Variants in KLHL41 observed in about 807,000 individuals in gnomAD.
KLHL41 encodes kelch-like protein 41.
KLHL41 carries 31 observed loss-of-function variants against 49.2 expected under a neutral mutation model. The observed-to-expected ratio is 0.63, with a 90% CI of 0.47 to 0.85. KLHL41 has a LOEUF of 0.85. KLHL41 is among the 40% of genes least tolerant of loss of function. The pLI is 0.00. For synonymous variants in KLHL41, 218 were observed against 258.5 expected, an observed-to-expected ratio of 0.84 and a Z score of 1.50; for missense variants, 663 against 726.7, an observed-to-expected ratio of 0.91 and a Z score of 1.01.
Position 169,509,843 on chromosome 2 carries a change from G to A in KLHL41, c.65G>A (p.Gly22Asp). Reference protein sequence around the residue: ...RLYQSTLLQDGLKDLLDEKKF... With the variant: ...RLYQSTLLQDDLKDLLDEKKF... ...TACCAATCCACCCTTCTTCAGGATGGTCTAAAAGATCTCCTGGATGAGAAA... is the reference window on the plus strand; with the variant it reads ...TACCAATCCACCCTTCTTCAGGATGATCTAAAAGATCTCCTGGATGAGAAA... The change falls in exon 1 of 6, where the codon GGT becomes GAT. Residue 22 changes from glycine (G) to aspartate (D), a missense_variant. Coordinates refer to ENST00000284669, the MANE Select transcript of KLHL41 (RefSeq NM_006063.3). The A allele has an allele frequency of 6.2e-7, 1 of 1,614,000 alleles. No homozygotes were observed. Among genetic ancestry groups the A allele is most frequent in the Non-Finnish European group, 8.5e-7 (1 of 1,180,008 alleles).
rs755772288 is a variant in KLHL41, at chr2:169,514,920, T to C, written c.1335T>C (p.His445=). ...IKVYGHNVIS[H]KGMIYCLGGK... ...TCTATGGCCATAATGTGATTTCACA[T>C]AAAGGGATGATATATTGTCTAGGAG... Residue 445 remains histidine, a synonymous_variant, in exon 3 of 6, where the codon CAT becomes CAC. Transcript: ENST00000284669. The C allele has an allele frequency of 2.5e-6, 4 of 1,611,294 alleles. No individual in the cohort carries two copies. In the East Asian group the frequency reaches 8.9e-5, roughly 36 times the overall value.
Position 169,510,163 on chromosome 2 carries a change from A to T in KLHL41, c.385A>T (p.Arg129Ter). The T allele has an allele frequency of 6.2e-7, 1 of 1,614,092 alleles. No individual in the cohort carries two copies. Among genetic ancestry groups the T allele is most frequent in the Non-Finnish European group, 8.5e-7 (1 of 1,180,024 alleles). The change falls in exon 1 of 6, where the codon AGA (arginine) becomes TGA (stop). Residue 129 changes from arginine to a stop codon, truncating the protein, a stop_gained. Coordinates refer to ENST00000284669, the MANE Select transcript of KLHL41 (RefSeq NM_006063.3). LOFTEE classifies it high-confidence loss of function. This position sits in a 1 kb window ranked among gnomAD's most constrained non-coding sequence, Gnocchi z 4.2. Reference protein sequence around the residue: ...FTVCVSYLQKRLAPGNCLAIL... With the variant: ...FTVCVSYLQK ...TGTCTGCGTTTCTTATCTTCAGAAA[A>T]GACTTGCTCCTGGTAACTGTCTAGC...
In KLHL41 at chr2:169,510,297, A is replaced by C; in HGVS notation, c.519A>C (p.Gln173His). 1 of 1,614,108 alleles carries C rather than the reference A, an allele frequency of 6.2e-7. No individual in the cohort carries two copies. The highest frequency in any genetic ancestry group is 8.5e-7 in the Non-Finnish European group (1 of 1,180,028). The change falls in exon 1 of 6, where the codon CAA becomes CAC. Residue 173 changes from glutamine to histidine, a missense_variant. By Grantham distance (24) the Gln-to-His change is conservative. This residue lies in a region of KLHL41 where 528 missense variants were observed against 581.0 expected (regional missense o/e 0.91). Coordinates refer to ENST00000284669, the MANE Select transcript of KLHL41 (RefSeq NM_006063.3). The surrounding 1 kb of genome is among the most constrained non-coding windows in gnomAD (Gnocchi z 4.2). ...VQICKEEDFM[Q>H]LSPQELISVI... ...TTTGTAAGGAAGAGGACTTTATGCAACTGTCTCCACAGGAACTGATCTCAG... is the reference window on the plus strand; with the variant it reads ...TTTGTAAGGAAGAGGACTTTATGCACCTGTCTCCACAGGAACTGATCTCAG...
chr2:169,524,418 C>CTT (rs113248017), intron 5 of KLHL41, among the ~76,000 whole-genome samples: 549 of 115,948 alleles, frequency 4.7e-3, no homozygotes, highest in Non-Finnish European at 7.1e-3. Context: ...TGGGGTAAAT[C>CTT]TTTTTTTTTT....
intron 1 of KLHL41, among the ~76,000 whole-genome samples, chr2:169,511,624 T>C (rs1017306313): frequency 6.6e-6 from 1 of 152,228 alleles, no homozygotes; most frequent in African/African-American, 2.4e-5. Flanking sequence ...TATAATTTTG[T>C]TGAAAATGAA....
At chr2:169,513,426 C>T (rs1311475179) in intron 1 of KLHL41, among the ~76,000 whole-genome samples, 1 of 152,178 alleles carries the variant, frequency 6.6e-6, no homozygotes, top group African/African-American at 2.4e-5. Context: ...TACATACCAC[C>T]TTCATGATCA....
At chr2:169,518,131 T>A in intron 3 of KLHL41, 59 bp from the exon 4 acceptor site, 1 of 1,237,842 alleles carries the variant, frequency 8.1e-7, no homozygotes, top group Non-Finnish European at 1.1e-6. Context: ...AGCCAAATTA[T>A]TAGTGAAGGT....
At chr2:169,520,314 G>GTGTGTGTGTA (rs1553531994) in intron 4 of KLHL41, among the ~76,000 whole-genome samples, 8,426 of 103,396 alleles carry the variant, frequency 0.081, 1,028 homozygotes, top group East Asian at 0.2. Context: ...GTGTGTGTAT[G>GTGTGTGTGTA]TGTGTGTGTG....
intron 4 of KLHL41, among the ~76,000 whole-genome samples, chr2:169,519,794 A>G (rs1193543669): frequency 6.6e-6 from 1 of 151,940 alleles, no homozygotes; most frequent in Non-Finnish European, 1.5e-5. Flanking sequence ...GGGTTTCACC[A>G]TGTTGGTCAG....
At position 169,526,002 on chromosome 2, in the gene KLHL41, T is replaced by C. The variant is rs1053862513; in HGVS notation, c.*306T>C. ...TTGAGTTGTTTGCTAATCATTTCAT[T>C]TGCATCATTAGGGTATCCTTAAACT... On this transcript the variant is annotated 3_prime_UTR_variant, in exon 6 of 6. Coordinates refer to ENST00000284669, the MANE Select transcript of KLHL41 (RefSeq NM_006063.3). The C allele has an allele frequency of 7.0e-5, 14 of 199,432 alleles. No individual in the cohort carries two copies. The highest frequency in any genetic ancestry group is 3.2e-4 in the African/African-American group (14 of 43,150). The allele number at this position is 199,432 out of a possible 1,614,324, so 12.4% of individuals were successfully genotyped here. A position where few individuals can be genotyped will look rare whatever the true frequency, so the allele number is the denominator to read the frequency against.
intron 3 of KLHL41, among the ~76,000 whole-genome samples, chr2:169,517,239 C>A (rs2105310758): frequency 6.6e-6 from 1 of 152,268 alleles, no homozygotes; most frequent in South Asian, 2.1e-4. Flanking sequence ...CCAAATATAT[C>A]CAGTTAATCA....
Position 169,510,983 on chromosome 2 carries a change from T to G in KLHL41, c.1110+95T>G. On this transcript the variant is annotated intron_variant, in intron 1 of 5. Coordinates refer to ENST00000284669, the MANE Select transcript of KLHL41 (RefSeq NM_006063.3). This position sits in a 1 kb window ranked among gnomAD's most constrained non-coding sequence, Gnocchi z 4.2. ...TTGTGAATTATTCAAGCTGCTTGCA[T>G]TTTACTCTAATTGATGTCCTATTCC... The G allele has an allele frequency of 9.3e-7, 1 of 1,072,090 alleles. No homozygotes were observed. The highest frequency in any genetic ancestry group is 1.4e-6 in the Non-Finnish European group (1 of 732,490). The allele number at this position is 1,072,090 out of a possible 1,614,324, so 66.4% of individuals were successfully genotyped here.
rs1053487289 is a variant in KLHL41, at chr2:169,526,258, A to G, written c.*562A>G. ...TGTAAGTAAAAGTAGTCAAATTCAAATGGCCTTTTCTCTCCATTCTTTTTG... is the reference window on the plus strand; with the variant it reads ...TGTAAGTAAAAGTAGTCAAATTCAAGTGGCCTTTTCTCTCCATTCTTTTTG... On this transcript the variant is annotated 3_prime_UTR_variant, in exon 6 of 6. Transcript: ENST00000284669. 6.6e-6 allele frequency: 1 copy of G among 152,200 alleles called. No homozygotes were observed. Among genetic ancestry groups the G allele is most frequent in the Non-Finnish European group, 1.5e-5 (1 of 68,026 alleles). 9.4% of individuals were successfully genotyped at this position (152,200 alleles called of 1,614,324 possible). A position where few individuals can be genotyped will look rare whatever the true frequency, so the allele number is the denominator to read the frequency against.
chr2:169,525,586 T>A lies in KLHL41; in HGVS notation c.1711T>A (p.Tyr571Asn), dbSNP rs758684130. Residue 571 changes from tyrosine to asparagine, a missense_variant and splice_region_variant, in exon 6 of 6, where the codon TAT becomes AAT. This residue lies in a region of KLHL41 where 528 missense variants were observed against 581.0 expected (regional missense o/e 0.91). Coordinates refer to ENST00000284669, the MANE Select transcript of KLHL41 (RefSeq NM_006063.3). ...APTEVNDIWK[Y>N]EDDKKEWAGM... ...ATTACTTTTTTTTTCCTCCATCAGG[T>A]ATGAAGATGATAAAAAAGAATGGGC... 1 of 1,585,646 alleles carries A rather than the reference T, an allele frequency of 6.3e-7. No homozygotes were observed. Among genetic ancestry groups the A allele is most frequent in the Non-Finnish European group, 8.7e-7 (1 of 1,154,240 alleles).
At chr2:169,520,276 G>C (rs536801355) in intron 4 of KLHL41, among the ~76,000 whole-genome samples, 4 of 31,346 alleles carry the variant, frequency 1.3e-4, no homozygotes, top group African/African-American at 7.5e-4. Context: ...TCCTGCCTCA[G>C]TGTGTGTGTG....
At chr2:169,518,583 T>C (rs1480675413) in intron 4 of KLHL41, among the ~76,000 whole-genome samples, 1 of 152,236 alleles carries the variant, frequency 6.6e-6, no homozygotes, top group Admixed American at 6.5e-5. Context: ...ATGTCTGTAA[T>C]CTGGAACACA....
rs904435175 is a variant in KLHL41, at chr2:169,509,864, A to G, written c.86A>G (p.Glu29Gly). ...LQDGLKDLLD[E>G]KKFIDCTLKA... is the part of the protein sequence containing the mutation. ...GATGGTCTAAAAGATCTCCTGGATG[A>G]GAAAAAATTCATCGATTGCACCCTA... is the stretch of plus-strand genomic sequence containing the variant. The change falls in exon 1 of 6, where the codon GAG (glutamate) becomes GGG (glycine). Residue 29 changes from glutamate to glycine, a missense_variant. Glu to Gly is a moderately conservative substitution (Grantham distance 98). Around this residue, in one of 3 missense-constraint regions of KLHL41, gnomAD observed 129 missense variants for 122.1 expected, o/e 1.06. Coordinates refer to ENST00000284669, the MANE Select transcript of KLHL41 (RefSeq NM_006063.3). The G allele has an allele frequency of 6.2e-7, 1 of 1,614,092 alleles. No individual in the cohort carries two copies. Among genetic ancestry groups the G allele is most frequent in the Non-Finnish European group, 8.5e-7 (1 of 1,180,054 alleles).
chr2:169,509,984 C>CG lies in KLHL41; in HGVS notation c.207dup (p.Lys70GlufsTer16). ...TACTTTTTATCTGAAATTGATGAGG[C>CG]GAAAAAAAAGGAGGTAGTGCTAGAC... On this transcript the variant is annotated frameshift_variant, in exon 1 of 6. Transcript: ENST00000284669. LOFTEE classifies it high-confidence loss of function. The CG allele has an allele frequency of 6.2e-7, 1 of 1,609,286 alleles. No individual in the cohort carries two copies. Among genetic ancestry groups the CG allele is most frequent in the South Asian group, 1.1e-5 (1 of 90,318 alleles).
At position 169,516,514 on chromosome 2, in the gene KLHL41, T is replaced by C. The variant is rs529774168; in HGVS notation, c.1376+1553T>C. ...AGTAAACTGAATGGAAAATCACTAC[T>C]AAAGAGCATTCTGACTTTGGAAACA... On this transcript the variant is annotated intron_variant, in intron 3 of 5. Coordinates refer to ENST00000284669, the MANE Select transcript of KLHL41 (RefSeq NM_006063.3). Among the ~76,000 whole-genome samples, 3 of 152,332 alleles carry C rather than the reference T, an allele frequency of 2.0e-5. No individual in the cohort carries two copies. In the East Asian group the frequency reaches 5.8e-4, roughly 29 times the overall value.
Sources: gnomAD v4.1 joint callset for allele counts (sites outside exome capture counted in the v4.1 genomes callset) on GRCh38, gnomAD v4.1.1 for gene constraint, gnomAD v4.1.1 regional missense constraint, Gnocchi (gnomAD v3.1) non-coding constraint, MANE v1.5 for transcripts, NCBI Gene and HGNC (gene_info 2026-07-23, HGNC 2026-07-21) for gene names.